PCNP: variants seen among roughly 807,000 people sequenced by gnomAD.
The protein encoded by PCNP is PEST proteolytic signal containing nuclear protein.
A neutral mutation model predicts 21.8 loss-of-function variants in PCNP; 6 were observed. The ratio of observed to expected loss-of-function variants is 0.28; its 90% CI spans 0.15 to 0.54. PCNP has a LOEUF of 0.54. Among genes scored for constraint, PCNP ranks in the 20% least tolerant of loss-of-function variants. The pLI, the probability that PCNP is intolerant of heterozygous loss-of-function variation, is 0.95. For synonymous variants in PCNP, 67 were observed against 73.2 expected, an observed-to-expected ratio of 0.92 and a Z score of 0.43; for missense variants, 161 against 215.5, an observed-to-expected ratio of 0.75 and a Z score of 1.58.
At chr3:101,578,019 ATTTGCTAT>A (rs1250357363) in intron 1 of PCNP, among the ~76,000 whole-genome samples, 14 of 152,102 alleles carry the variant, frequency 9.2e-5, no homozygotes, top group African/African-American at 3.1e-4. Flanking sequence ...GAATCTAGTA[ATTTGCTAT>A]TTTATCCATG....
chr3:101,583,302 C>CA (rs2108281391), intron 2 of PCNP, among the ~76,000 whole-genome samples: 1 of 152,192 alleles, frequency 6.6e-6, no homozygotes, highest in Non-Finnish European at 1.5e-5. Flanking sequence ...CTGAAAAATA[C>CA]AAAAAATTAG....
chr3:101,577,732 C>T (rs1445419377), intron 1 of PCNP, among the ~76,000 whole-genome samples: 1 of 152,100 alleles, frequency 6.6e-6, no homozygotes, highest in Non-Finnish European at 1.5e-5. Flanking sequence ...CCATGTTGCC[C>T]AGGCTGGTCT....
chr3:101,574,620 C>T (rs771470514), intron 1 of PCNP, among the ~76,000 whole-genome samples: 22 of 152,194 alleles, frequency 1.4e-4, no homozygotes, highest in Non-Finnish European at 2.6e-4. Flanking sequence ...ACACCGGAGA[C>T]GCACATCACA....
chr3:101,588,535 C>A (rs529257649), intron 3 of PCNP, among the ~76,000 whole-genome samples: 2 of 151,932 alleles, frequency 1.3e-5, no homozygotes, highest in South Asian at 2.1e-4. Flanking sequence ...ATTAAGTAAC[C>A]TTGGATATAT....
intron 4 of PCNP, 77 bp from the exon 5 acceptor site, chr3:101,592,548 CAT>C: frequency 8.6e-7 from 1 of 1,159,674 alleles, no homozygotes; most frequent in Non-Finnish European, 1.2e-6. Flanking sequence ...GCTAAACAAA[CAT>C]GTATTGAATG....
intron 3 of PCNP, 108 bp downstream of exon 3, chr3:101,585,619 T>G: frequency 1.6e-6 from 1 of 627,204 alleles, no homozygotes; most frequent in Non-Finnish European, 2.7e-6. Context: ...TTTATAATAG[T>G]TTTTGTGTCT....
chr3:101,584,773 C>T lies in PCNP; in HGVS notation c.280-664C>T, dbSNP rs572560851. ...TAGAGAGCACCTTGGGAGGCTGAGG[C>T]GGGTAGATCACGAGGTCAGGAGTTC... On this transcript the variant is annotated intron_variant, in intron 2 of 4. Coordinates refer to ENST00000265260, the MANE Select transcript of PCNP (RefSeq NM_020357.3). Among the ~76,000 whole-genome samples the T allele has an allele frequency of 3.3e-5, 5 of 152,134 alleles. No homozygotes were observed. In the East Asian group the frequency reaches 9.7e-4, roughly 29 times the overall value.
intron 3 of PCNP, among the ~76,000 whole-genome samples, chr3:101,589,587 C>CTTTTTTTT (rs1935704756): frequency 6.6e-6 from 1 of 151,968 alleles, no homozygotes; most frequent in Non-Finnish European, 1.5e-5. Context: ...ATTTTTTATA[C>CTTTTTTTT]TTTTGGTAGA....
rs1463980266 is a variant in PCNP, at chr3:101,576,610, C to T, written c.64+2331C>T. 1.1e-5 allele frequency: 17 copies of T among 1,611,174 alleles called. No individual in the cohort carries two copies. In the East Asian group the frequency reaches 3.3e-4, roughly 32 times the overall value. On this transcript the variant is annotated intron_variant, in intron 1 of 4. Transcript: ENST00000265260. ...TCTATGGGCCCGAATCTTCTTCAGT[C>T]GCTCCAGGTCTTCACGGAGCTTGTT... is the stretch of plus-strand genomic sequence containing the variant.
At position 101,594,378 on chromosome 3, in the gene PCNP, A is replaced by G. The variant is rs1041721743; in HGVS notation, c.*1625A>G. 1.3e-5 allele frequency: 2 copies of G among 152,586 alleles called. No individual in the cohort carries two copies. Among genetic ancestry groups the G allele is most frequent in the Non-Finnish European group, 2.9e-5 (2 of 68,048 alleles). 9.5% of individuals were successfully genotyped at this position (152,586 alleles called of 1,614,324 possible). On this transcript the variant is annotated 3_prime_UTR_variant, in exon 5 of 5. Coordinates refer to ENST00000265260, the MANE Select transcript of PCNP (RefSeq NM_020357.3). ...AATATTAACCTAAGGTCAAGCTGGG[A>G]GAGAGAAATGACTGAGATGAATGTC... is the stretch of plus-strand genomic sequence containing the variant.
intron 2 of PCNP, 67 bp downstream of exon 2, chr3:101,580,071 T>G: frequency 8.8e-7 from 1 of 1,130,566 alleles, no homozygotes. Context: ...AACGTGGCGT[T>G]TACTAGGTTA....
rs111596345 is a variant in PCNP, at chr3:101,589,577, A to G, written c.355-638A>G. On this transcript the variant is annotated intron_variant, in intron 3 of 4. Coordinates refer to ENST00000265260, the MANE Select transcript of PCNP (RefSeq NM_020357.3). Reference sequence around the variant, plus strand: ...AGGCACGCGCCACCACACCTGGCCAATTTTTTATACTTTTGGTAGAGACGG... The same window carrying G: ...AGGCACGCGCCACCACACCTGGCCAGTTTTTTATACTTTTGGTAGAGACGG... Among the ~76,000 whole-genome samples the G allele has an allele frequency of 3.1e-3, 473 of 152,030 alleles. 1 individual carries two copies. The highest frequency in any genetic ancestry group is 0.011 in the African/African-American group (445 of 41,458).
intron 2 of PCNP, among the ~76,000 whole-genome samples, chr3:101,580,413 ATATAAT>A (rs1352926651): frequency 1.3e-5 from 2 of 152,122 alleles, no homozygotes; most frequent in Non-Finnish European, 2.9e-5. Flanking sequence ...AAAAATAAAA[ATATAAT>A]TAAAAAAAAA....
chr3:101,584,668 G>A (rs563543181), intron 2 of PCNP, among the ~76,000 whole-genome samples: 2 of 152,148 alleles, frequency 1.3e-5, no homozygotes, highest in East Asian at 1.9e-4. Flanking sequence ...GGGTTCAAGC[G>A]ATTCTCCTGC....
chr3:101,590,243 C>A lies in PCNP; in HGVS notation c.383C>A (p.Ala128Glu). The change falls in exon 4 of 5, where the codon GCA becomes GAA. Residue 128 changes from alanine (A) to glutamate (E), a missense_variant. Physicochemically the swap from Ala to Glu is moderately radical, Grantham distance 107. Coordinates refer to ENST00000265260, the MANE Select transcript of PCNP (RefSeq NM_020357.3). ...DSEPEEMPPE[A>E]KMRMKNIGRD... ...GAACCAGAGGAAATGCCTCCAGAAGCAAAGATGAGGATGAAGAATATTGGA... is the reference window on the plus strand; with the variant it reads ...GAACCAGAGGAAATGCCTCCAGAAGAAAAGATGAGGATGAAGAATATTGGA... The A allele has an allele frequency of 1.9e-6, 3 of 1,568,148 alleles. No homozygotes were observed. Among genetic ancestry groups the A allele is most frequent in the Non-Finnish European group, 2.6e-6 (3 of 1,139,384 alleles).
intron 2 of PCNP, among the ~76,000 whole-genome samples, 177 bp from the exon 3 acceptor site, chr3:101,585,260 C>T (rs2108284111): frequency 6.6e-6 from 1 of 152,288 alleles, no homozygotes; most frequent in South Asian, 2.1e-4. Flanking sequence ...AACATACCCA[C>T]TGATAATCCA....
At chr3:101,589,976 G>C (rs1935722917) in intron 3 of PCNP, 2 of 457,784 alleles carry the variant, frequency 4.4e-6, no homozygotes, top group East Asian at 8.5e-5. Flanking sequence ...AATGGTTTTA[G>C]TTCTAGAATG....
intron 1 of PCNP, 90 bp downstream of exon 1, chr3:101,574,369 A>C: frequency 9.9e-6 from 14 of 1,417,212 alleles, no homozygotes; most frequent in Non-Finnish European, 1.1e-5. Flanking sequence ...TGGGGCGAGA[A>C]TGGGCGGATC....
intron 2 of PCNP, 37 bp downstream of exon 2, chr3:101,580,041 T>A (rs1559958335): frequency 6.9e-7 from 1 of 1,446,230 alleles, no homozygotes; most frequent in Non-Finnish European, 9.7e-7. Context: ...TTGTAATGGG[T>A]CTTAAGGATT....
Sources: allele counts gnomAD v4.1 joint callset (sites outside exome capture counted in the v4.1 genomes callset), GRCh38; gene constraint gnomAD v4.1.1; transcripts MANE v1.5; gene names NCBI Gene and HGNC (gene_info 2026-07-23, HGNC 2026-07-21).